Variants in PCDHGA4 observed in about 807,000 individuals in gnomAD.
PCDHGA4 encodes protocadherin gamma subfamily A, 4, also known as protocadherin gamma-A4.
A neutral mutation model predicts 54.6 loss-of-function variants in PCDHGA4; 38 were observed. That is an observed-to-expected ratio of 0.70 (90% confidence interval 0.54 to 0.91). PCDHGA4 has a LOEUF of 0.91. PCDHGA4 is among the 40% of genes least tolerant of loss of function. The pLI is 0.00. For synonymous variants in PCDHGA4, 511 were observed against 512.9 expected (o/e 1.00, Z 0.05); for missense variants, 1,298 against 1,220.9 (o/e 1.06, Z -0.94).
At chr5:141,387,628 G>A (rs2091015052) in intron 1 of PCDHGA4, 1 of 577,308 alleles carries the variant, frequency 1.7e-6, no homozygotes, top group Admixed American at 3.5e-5. Context: ...GCTGACTCTG[G>A]GCGCCGCTGT....
At chr5:141,413,248 G>C in intron 1 of PCDHGA4, 1 of 1,613,962 alleles carries the variant, frequency 6.2e-7, no homozygotes, top group Non-Finnish European at 8.5e-7. Context: ...CCTTTTCTTC[G>C]GGATTCCATG....
At chr5:141,510,040 G>A (rs2099879305) in intron 3 of PCDHGA4, among the ~76,000 whole-genome samples, 1 of 152,220 alleles carries the variant, frequency 6.6e-6, no homozygotes, top group Non-Finnish European at 1.5e-5. Flanking sequence ...GTTATGTAGA[G>A]GTTAAAAGTG....
chr5:141,366,343 C>T, intron 1 of PCDHGA4: 2 of 1,613,936 alleles, frequency 1.2e-6, no homozygotes, highest in Non-Finnish European at 1.7e-6. Context: ...TCCCTGACAT[C>T]CTGGCTGACC....
intron 1 of PCDHGA4, among the ~76,000 whole-genome samples, chr5:141,458,339 T>A (rs1380637284): frequency 2.0e-5 from 3 of 150,846 alleles, no homozygotes; most frequent in Non-Finnish European, 3.0e-5. Context: ...TTTTAAGGAG[T>A]GGAGAGTTTA....
chr5:141,370,529 G>T (rs767611078), intron 1 of PCDHGA4: 4 of 1,613,824 alleles, frequency 2.5e-6, no homozygotes, highest in South Asian at 1.1e-5. Flanking sequence ...ACAGGGGCTC[G>T]CTGGTAGGGA....
chr5:141,481,071 A>G (rs887828386), intron 1 of PCDHGA4, among the ~76,000 whole-genome samples: 19 of 152,172 alleles, frequency 1.2e-4, no homozygotes, highest in African/African-American at 4.6e-4. Context: ...AACAAAAAGA[A>G]AGAAAGAAAA....
intron 1 of PCDHGA4, among the ~76,000 whole-genome samples, chr5:141,445,937 A>C (rs2098482193): frequency 6.6e-6 from 1 of 152,202 alleles, no homozygotes; most frequent in African/African-American, 2.4e-5. Flanking sequence ...TGAATTATTA[A>C]GCTTACTCTG....
intron 1 of PCDHGA4, chr5:141,421,270 C>G: frequency 6.2e-7 from 1 of 1,612,094 alleles, no homozygotes; most frequent in Non-Finnish European, 8.5e-7. Context: ...TCGGCTGCTG[C>G]TGCTGCTGTG....
intron 1 of PCDHGA4, chr5:141,418,009 C>G (rs780624400): frequency 6.2e-7 from 1 of 1,613,776 alleles, no homozygotes; most frequent in African/African-American, 1.3e-5. Context: ...TGGGGAACCT[C>G]GCTAAGGATC....
At position 141,356,464 on chromosome 5, in the gene PCDHGA4, G is replaced by A; in HGVS notation, c.1357G>A (p.Val453Ile). 6.2e-7 allele frequency: 1 copy of A among 1,613,704 alleles called. No homozygotes were observed. Among genetic ancestry groups the A allele is most frequent in the Non-Finnish European group, 8.5e-7 (1 of 1,179,710 alleles). Residue 453 changes from valine (V) to isoleucine (I), a missense_variant, in exon 1 of 4, where the codon GTA becomes ATA. By Grantham distance (29) the Val-to-Ile change is conservative. Coordinates refer to ENST00000571252, the MANE Select transcript of PCDHGA4 (RefSeq NM_018917.4). ...REEVSEYNIT[V>I]TATDQGTPPL... ...AGAAGTCTCAGAATATAACATCACT[G>A]TAACTGCCACTGACCAGGGAACTCC...
chr5:141,458,556 T>C (rs1424881453), intron 1 of PCDHGA4, among the ~76,000 whole-genome samples: 1 of 145,670 alleles, frequency 6.9e-6, no homozygotes, highest in Non-Finnish European at 1.5e-5. Flanking sequence ...TTGTTTGTTT[T>C]GGTTTTGGGT....
At chr5:141,419,528 G>A (rs966922299) in intron 1 of PCDHGA4, 10 of 1,612,056 alleles carry the variant, frequency 6.2e-6, no homozygotes, top group Admixed American at 1.7e-5. Flanking sequence ...CGACCGTAAC[G>A]ACAACGCACC....
chr5:141,380,910 A>G (rs1776848535), intron 1 of PCDHGA4, among the ~76,000 whole-genome samples: 1 of 152,262 alleles, frequency 6.6e-6, no homozygotes, highest in South Asian at 2.1e-4. Context: ...ACAAGTGCTT[A>G]CATTGTTTAA....
chr5:141,471,254 T>A (rs1043647138), intron 1 of PCDHGA4: 1 of 151,828 alleles, frequency 6.6e-6, no homozygotes, highest in African/African-American at 2.4e-5. Flanking sequence ...TTTCACCATG[T>A]TGGCAAGGCT....
chr5:141,508,740 C>G (rs2099871405), intron 3 of PCDHGA4, among the ~76,000 whole-genome samples: 1 of 152,006 alleles, frequency 6.6e-6, no homozygotes. Flanking sequence ...CACCCCCCAC[C>G]CCGCTCTTTC....
intron 1 of PCDHGA4, chr5:141,399,438 T>C (rs2093809569): frequency 1.2e-6 from 2 of 1,613,996 alleles, no homozygotes; most frequent in Admixed American, 1.7e-5. Flanking sequence ...TCATCCTACA[T>C]ATCAGAGACG....
chr5:141,381,143 G>A (rs1277267624), intron 1 of PCDHGA4, among the ~76,000 whole-genome samples: 1 of 152,184 alleles, frequency 6.6e-6, no homozygotes, highest in Non-Finnish European at 1.5e-5. Flanking sequence ...CCACCAGAAA[G>A]CAGAAATAGG....
intron 1 of PCDHGA4, among the ~76,000 whole-genome samples, chr5:141,466,627 C>G (rs1448245449): frequency 6.6e-6 from 1 of 152,154 alleles, no homozygotes; most frequent in African/African-American, 2.4e-5. Flanking sequence ...TTCTTTGGAG[C>G]ATTGTCTCCA....
intron 1 of PCDHGA4, chr5:141,419,430 A>T: frequency 1.2e-6 from 2 of 1,613,318 alleles, no homozygotes; most frequent in Non-Finnish European, 1.7e-6. Flanking sequence ...GACCACGAGC[A>T]GCTGCGCACC....
Sources: gnomAD v4.1 joint callset for allele counts (sites outside exome capture counted in the v4.1 genomes callset) on GRCh38, gnomAD v4.1.1 for gene constraint, MANE v1.5 for transcripts, NCBI Gene and HGNC (gene_info 2026-07-23, HGNC 2026-07-21) for gene names.